Variants in CDH13 observed in about 807,000 individuals in gnomAD.
The protein encoded by CDH13 is cadherin-13.
Under a neutral mutation model 63.8 loss-of-function variants are expected in CDH13, and 24 were observed. The observed-to-expected ratio is 0.38, with a 90% CI of 0.27 to 0.53. The LOEUF (loss-of-function observed/expected upper bound fraction) is 0.53. CDH13 is among the 20% of genes least tolerant of loss of function. The pLI is 0.85. For missense variants in CDH13, 1,049 were observed against 903.1 expected, an observed-to-expected ratio of 1.16 and a Z score of -2.07; for synonymous variants, 503 against 355.3, an observed-to-expected ratio of 1.42 and a Z score of -4.67.
At chr16:83,335,063 C>A (rs911948745) in intron 5 of CDH13, among the ~76,000 whole-genome samples, 3 of 152,128 alleles carry the variant, frequency 2.0e-5, no homozygotes, top group Admixed American at 2.0e-4. Flanking sequence ...TGGAAAATAT[C>A]ACTTAAAAAA....
chr16:83,192,439 G>C (rs1049521662), intron 4 of CDH13, among the ~76,000 whole-genome samples: 1 of 152,102 alleles, frequency 6.6e-6, no homozygotes, highest in Non-Finnish European at 1.5e-5. Flanking sequence ...GTGCTTTTTT[G>C]ACATTTCTGG....
At chr16:82,664,660 C>G (rs983892236) in intron 1 of CDH13, among the ~76,000 whole-genome samples, 1 of 152,134 alleles carries the variant, frequency 6.6e-6, no homozygotes, top group African/African-American at 2.4e-5. Flanking sequence ...GATTTGTTTT[C>G]TGTTTTATTT....
intron 2 of CDH13, among the ~76,000 whole-genome samples, chr16:83,024,183 C>T (rs1174658938): frequency 2.0e-5 from 3 of 152,130 alleles, no homozygotes; most frequent in African/African-American, 4.8e-5. Flanking sequence ...GTACAACAAA[C>T]GTCACTGTGG....
At chr16:83,235,249 A>G (rs2040110397) in intron 5 of CDH13, among the ~76,000 whole-genome samples, 1 of 152,156 alleles carries the variant, frequency 6.6e-6, no homozygotes, top group South Asian at 2.1e-4. Flanking sequence ...TTAGGTTTGC[A>G]GGGAAGCACC....
chr16:82,713,551 A>C (rs1597385715), intron 1 of CDH13, among the ~76,000 whole-genome samples: 2 of 152,224 alleles, frequency 1.3e-5, no homozygotes, highest in East Asian at 3.9e-4. Flanking sequence ...CAGGGTGGTC[A>C]AGAGTACGGA....
intron 10 of CDH13, among the ~76,000 whole-genome samples, chr16:83,737,952 T>G (rs1911692568): frequency 6.6e-6 from 1 of 152,174 alleles, no homozygotes. Flanking sequence ...AATATCTACC[T>G]CCCAGGTTGA....
chr16:82,820,437 G>A (rs1394292164), intron 1 of CDH13, among the ~76,000 whole-genome samples: 1 of 152,128 alleles, frequency 6.6e-6, no homozygotes, highest in African/African-American at 2.4e-5. Context: ...CATTTTACAG[G>A]TAATGAAACT....
At chr16:82,915,154 G>C (rs1456788016) in intron 2 of CDH13, among the ~76,000 whole-genome samples, 2 of 152,216 alleles carry the variant, frequency 1.3e-5, no homozygotes, top group East Asian at 3.8e-4. Flanking sequence ...GGTCTAATTT[G>C]GTGGTTATAG....
chr16:83,183,004 A>G (rs1193450306), intron 4 of CDH13, among the ~76,000 whole-genome samples: 1 of 152,172 alleles, frequency 6.6e-6, no homozygotes, highest in Admixed American at 6.5e-5. Context: ...AAAAATAAAA[A>G]TTAAAAAAAA....
intron 2 of CDH13, among the ~76,000 whole-genome samples, chr16:82,904,397 C>G (rs750824621): frequency 6.6e-6 from 1 of 152,116 alleles, no homozygotes; most frequent in Non-Finnish European, 1.5e-5. Flanking sequence ...TGATTTTTAG[C>G]TTAATTTGAG....
intron 8 of CDH13, among the ~76,000 whole-genome samples, chr16:83,630,766 GTAAAGATC>G (rs1272809315): frequency 6.6e-6 from 1 of 152,168 alleles, no homozygotes; most frequent in Non-Finnish European, 1.5e-5. Flanking sequence ...AGTTTTTAGA[GTAAAGATC>G]TTGAGGCCCA....
intron 10 of CDH13, among the ~76,000 whole-genome samples, chr16:83,724,568 G>A (rs887253161): frequency 2.7e-5 from 4 of 147,890 alleles, no homozygotes; most frequent in Non-Finnish European, 6.1e-5. Context: ...TGGATACATG[G>A]ATGGATGAAG....
At chr16:83,495,640 TG>T (rs1296396846) in intron 7 of CDH13, among the ~76,000 whole-genome samples, 6 of 152,188 alleles carry the variant, frequency 3.9e-5, no homozygotes, top group African/African-American at 1.4e-4. Context: ...GAAACATATT[TG>T]GGGTTAAAAT....
At chr16:82,744,503 TCTTA>T (rs1199877559) in intron 1 of CDH13, among the ~76,000 whole-genome samples, 2 of 152,078 alleles carry the variant, frequency 1.3e-5, no homozygotes, top group East Asian at 1.9e-4. Flanking sequence ...TATCTATACG[TCTTA>T]CTTCTCTCTT....
At chr16:83,599,140 T>G (rs1412133655) in intron 7 of CDH13, among the ~76,000 whole-genome samples, 1 of 151,738 alleles carries the variant, frequency 6.6e-6, no homozygotes, top group Non-Finnish European at 1.5e-5. Flanking sequence ...GAAGAGGGAG[T>G]GGGTATCAGG....
chr16:83,793,132 C>G (rs1265596544), intron 13 of CDH13, among the ~76,000 whole-genome samples: 1 of 152,116 alleles, frequency 6.6e-6, no homozygotes, highest in Non-Finnish European at 1.5e-5. Context: ...AAGACTGTAA[C>G]AGAAGCCTGA....
intron 1 of CDH13, among the ~76,000 whole-genome samples, chr16:82,652,639 C>T (rs1910854207): frequency 6.7e-6 from 1 of 149,664 alleles, no homozygotes; most frequent in Admixed American, 6.7e-5. Context: ...GCTGCTGCTG[C>T]TGCTGCTGCT....
intron 7 of CDH13, among the ~76,000 whole-genome samples, chr16:83,551,054 TTATATCTATCTATCTATC>T (rs764494524): frequency 8.9e-5 from 1 of 11,288 alleles, no homozygotes; most frequent in Admixed American, 1.2e-3. Context: ...CTTAAGTCAT[TTATATCTATCTATCTATC>T]TATCTATCTA....
chr16:83,338,471 C>A (rs1302589358), intron 5 of CDH13, among the ~76,000 whole-genome samples: 8 of 152,216 alleles, frequency 5.3e-5, no homozygotes, highest in African/African-American at 1.9e-4. Flanking sequence ...GCATTGGGTC[C>A]AGGCTTCAGG....
Sources: gnomAD v4.1 joint callset for allele counts (sites outside exome capture counted in the v4.1 genomes callset) on GRCh38, gnomAD v4.1.1 for gene constraint, MANE v1.5 for transcripts, NCBI Gene and HGNC (gene_info 2026-07-23, HGNC 2026-07-21) for gene names.